The following GPAT4 variants were observed in gnomAD, a reference collection of about 807,000 sequenced individuals.
The protein encoded by GPAT4 is 1-AGP acyltransferase 6.
GPAT4 carries 17 observed loss-of-function variants against 58.0 expected under a neutral mutation model. The observed-to-expected ratio is 0.29, with a 90% CI of 0.20 to 0.44. The LOEUF (loss-of-function observed/expected upper bound fraction) is 0.44, where lower values mean the gene tolerates loss of function less well. Among genes scored for constraint, GPAT4 ranks in the 20% least tolerant of loss-of-function variants. GPAT4 has a pLI of 1.00. For synonymous variants in GPAT4, 204 were observed against 210.1 expected (o/e 0.97, Z 0.25); for missense variants, 377 against 574.5 (o/e 0.66, Z 3.51).
At chr8:41,586,641 C>G (rs1160278033) in intron 1 of GPAT4, among the ~76,000 whole-genome samples, 1 of 152,186 alleles carries the variant, frequency 6.6e-6, no homozygotes, top group Non-Finnish European at 1.5e-5. Flanking sequence ...CCGGTCTGAC[C>G]TGAGTGCTCT....
chr8:41,611,279 T>G (rs928830687), intron 5 of GPAT4, among the ~76,000 whole-genome samples: 1 of 152,188 alleles, frequency 6.6e-6, no homozygotes, highest in Non-Finnish European at 1.5e-5. Context: ...AGTCTTTACT[T>G]TTTTTAAATT....
At chr8:41,611,554 T>C (rs1159752239) in intron 5 of GPAT4, among the ~76,000 whole-genome samples, 1 of 152,214 alleles carries the variant, frequency 6.6e-6, no homozygotes, top group African/African-American at 2.4e-5. Flanking sequence ...TTAGAAACCT[T>C]TCTTCTGCCT....
chr8:41,610,067 G>A, intron 4 of GPAT4, 112 bp downstream of exon 4: 1 of 1,503,034 alleles, frequency 6.7e-7, no homozygotes, highest in South Asian at 1.4e-5. Flanking sequence ...GGGAATGACT[G>A]TCGTTAGCCA....
chr8:41,623,059 C>T lies in GPAT4; in HGVS notation c.*2058C>T, dbSNP rs1803801231. ...ACACACAGGTTTTGCTTTTGTCTCA[C>T]ATTCAGCACAGCTGTCTGCGGCCCC... On this transcript the variant is annotated 3_prime_UTR_variant, in exon 13 of 13. Transcript: ENST00000396987. 1 of 152,204 alleles carries T rather than the reference C, an allele frequency of 6.6e-6. No individual in the cohort carries two copies. The highest frequency in any genetic ancestry group is 1.5e-5 in the Non-Finnish European group (1 of 68,032). 9.4% of individuals were successfully genotyped at this position (152,204 alleles called of 1,614,324 possible).
intron 2 of GPAT4, among the ~76,000 whole-genome samples, chr8:41,599,703 C>T (rs1197457487): frequency 6.6e-6 from 1 of 152,196 alleles, no homozygotes; most frequent in East Asian, 1.9e-4. Context: ...TAGGTCCTTG[C>T]ATTTCAGACT....
chr8:41,588,758 G>C (rs1802717557), intron 1 of GPAT4, among the ~76,000 whole-genome samples: 1 of 152,230 alleles, frequency 6.6e-6, no homozygotes, highest in African/African-American at 2.4e-5. Flanking sequence ...CCATTAGGGA[G>C]CCTAAAGGCC....
intron 10 of GPAT4, among the ~76,000 whole-genome samples, chr8:41,615,577 C>T (rs991439127): frequency 2.6e-5 from 4 of 152,054 alleles, no homozygotes; most frequent in East Asian, 3.8e-4. Flanking sequence ...TAGTCTACGT[C>T]GACCCTTTAG....
In GPAT4 at chr8:41,611,807, G is replaced by C. The variant is rs907804204; in HGVS notation, c.612-96G>C. 4.1e-5 allele frequency: 45 copies of C among 1,101,892 alleles called. No homozygotes were observed. The Middle Eastern group carries it at 6.0e-4, about 15-fold the overall frequency. The allele number at this position is 1,101,892 out of a possible 1,614,324, so 68.3% of individuals were successfully genotyped here. A position where few individuals can be genotyped will look rare whatever the true frequency, so the allele number is the denominator to read the frequency against. Reference sequence around the variant, plus strand: ...GTGCTGATGTCTATACAAGCACTTTGCTGTTATAAAGGACTGCTGAGCTGT... The same window carrying C: ...GTGCTGATGTCTATACAAGCACTTTCCTGTTATAAAGGACTGCTGAGCTGT... On this transcript the variant is annotated intron_variant, in intron 5 of 12. Transcript: ENST00000396987.
intron 2 of GPAT4, 28 bp downstream of exon 2, chr8:41,599,332 T>A: frequency 6.2e-7 from 1 of 1,612,564 alleles, no homozygotes; most frequent in South Asian, 1.1e-5. Flanking sequence ...AAAAGGTTGC[T>A]TCACAGAGGA....
chr8:41,609,660 A>T lies in GPAT4; in HGVS notation c.241A>T (p.Ile81Phe). The change falls in exon 4 of 13, where the codon ATT (isoleucine) becomes TTT (phenylalanine). Residue 81 changes from isoleucine (I) to phenylalanine (F), a missense_variant. Physicochemically the swap from Ile to Phe is conservative, Grantham distance 21. Coordinates refer to ENST00000396987, the MANE Select transcript of GPAT4 (RefSeq NM_178819.4). ...AGGGACACATTCTTTTGCAGGAATC[A>T]TTGCAAAGGATCCCACTTCACTAGA... ...QLYKPYTNGI[I>F]AKDPTSLEEE... 2 of 1,610,908 alleles carry T rather than the reference A, an allele frequency of 1.2e-6. No individual in the cohort carries two copies. Among genetic ancestry groups the T allele is most frequent in the Non-Finnish European group, 1.7e-6 (2 of 1,177,782 alleles).
chr8:41,595,579 T>A (rs1802908803), intron 1 of GPAT4, among the ~76,000 whole-genome samples: 1 of 152,174 alleles, frequency 6.6e-6, no homozygotes. Flanking sequence ...CAAGGTGGTA[T>A]TGGAGTGTTG....
intron 2 of GPAT4, among the ~76,000 whole-genome samples, chr8:41,602,564 G>C (rs13256154): frequency 0.081 from 12,264 of 152,174 alleles, 557 homozygotes; most frequent in Middle Eastern, 0.15. Flanking sequence ...TGGAAGGTAG[G>C]AACTGAATGC....
intron 4 of GPAT4, 182 bp downstream of exon 4, chr8:41,610,137 T>C (rs1803399725): frequency 2.1e-6 from 3 of 1,414,654 alleles, no homozygotes; most frequent in Non-Finnish European, 2.8e-6. Flanking sequence ...CCTTGGATTC[T>C]CTGCATATCA....
chr8:41,582,703 C>G (rs933696565), intron 1 of GPAT4, among the ~76,000 whole-genome samples: 9 of 138,564 alleles, frequency 6.5e-5, no homozygotes, highest in African/African-American at 2.2e-4. Context: ...GTGGGTGTAT[C>G]TCAAAACATC....
rs1301317642 is a variant in GPAT4 at position 41,599,281 on chromosome 8, A to G, written c.142A>G (p.Lys48Glu). 1 of 1,613,900 alleles carries G rather than the reference A, an allele frequency of 6.2e-7. No homozygotes were observed. Among genetic ancestry groups the G allele is most frequent in the Non-Finnish European group, 8.5e-7 (1 of 1,179,988 alleles). The change falls in exon 2 of 13, where the codon AAA becomes GAA. Residue 48 changes from lysine to glutamate, a missense_variant. Coordinates refer to ENST00000396987, the MANE Select transcript of GPAT4 (RefSeq NM_178819.4). The stretch of plus-strand genomic sequence containing the variant: ...CTTTGGTATCCGCAAACTCTACATG[A>G]AAAGTCTGTTAAAAATCTTTGCGGT... ...VSFGIRKLYM[K>E]SLLKIFAWAT...
rs773029523 is a variant in GPAT4, at chr8:41,611,863, A to G, written c.612-40A>G. 4.4e-6 allele frequency: 7 copies of G among 1,588,900 alleles called. No homozygotes were observed. The East Asian group carries it at 6.7e-5, about 15-fold the overall frequency. On this transcript the variant is annotated intron_variant, in intron 5 of 12. Transcript: ENST00000396987. ...TCAGTAACTCTTTCTGTCTTCCTGT[A>G]TGTAAAATAAAACCCAGAATCCTTG...
chr8:41,610,095 G>A, intron 4 of GPAT4, 140 bp downstream of exon 4: 1 of 1,467,942 alleles, frequency 6.8e-7, no homozygotes, highest in Non-Finnish European at 9.0e-7. Flanking sequence ...TGACTCTTTG[G>A]AGGGATACAC....
intron 10 of GPAT4, among the ~76,000 whole-genome samples, chr8:41,617,565 A>G (rs1322130189): frequency 6.6e-6 from 1 of 152,170 alleles, no homozygotes; most frequent in Non-Finnish European, 1.5e-5. Context: ...TTAGGGCCAC[A>G]GTCTTGTCAA....
chr8:41,597,512 A>G (rs1802965778), intron 1 of GPAT4, among the ~76,000 whole-genome samples: 1 of 152,228 alleles, frequency 6.6e-6, no homozygotes, highest in Non-Finnish European at 1.5e-5. Flanking sequence ...AGGTCTTGCA[A>G]ATTTAAAAAT....
Sources: allele counts gnomAD v4.1 joint callset (sites outside exome capture counted in the v4.1 genomes callset), GRCh38; gene constraint gnomAD v4.1.1; transcripts MANE v1.5; gene names NCBI Gene and HGNC (gene_info 2026-07-23, HGNC 2026-07-21).